RALYL: variants seen among roughly 807,000 people sequenced by gnomAD.
RALYL encodes RNA-binding Raly-like protein.
Under a neutral mutation model 35.1 loss-of-function variants are expected in RALYL, and 29 were observed. That is an observed-to-expected ratio of 0.83 (90% CI 0.61 to 1.13). The LOEUF (loss-of-function observed/expected upper bound fraction) is 1.13. Ranked by LOEUF, RALYL falls within the 50% of genes most tolerant of loss-of-function variation. The probability of loss-of-function intolerance (pLI) is 0.00; values close to 1 mark genes in which losing one functional copy is unlikely to be tolerated. For missense variants in RALYL, 359 were observed against 360.4 expected (o/e 1.00, Z 0.03); for synonymous variants, 120 against 127.6 (o/e 0.94, Z 0.40).
At chr8:84,221,925 A>G (rs10107737) in intron 1 of RALYL, among the ~76,000 whole-genome samples, 59,945 of 151,896 alleles carry the variant, frequency 0.39, 11,972 homozygotes, top group Non-Finnish European at 0.43. Flanking sequence ...TTTTATGCAT[A>G]ATCTTAAGTA....
intron 1 of RALYL, among the ~76,000 whole-genome samples, chr8:84,403,293 G>A (rs191127570): frequency 7.5e-4 from 113 of 151,478 alleles, no homozygotes; most frequent in Middle Eastern, 3.4e-3. Flanking sequence ...ATGGTTTTAC[G>A]TATTACATTT....
At chr8:84,264,395 G>A (rs1206575790) in intron 1 of RALYL, among the ~76,000 whole-genome samples, 3 of 150,048 alleles carry the variant, frequency 2.0e-5, no homozygotes, top group Non-Finnish European at 4.4e-5. Context: ...TATGTTTCGT[G>A]GTTGCATGAA....
chr8:84,301,286 G>A (rs1246690375), intron 1 of RALYL, among the ~76,000 whole-genome samples: 2 of 151,986 alleles, frequency 1.3e-5, no homozygotes, highest in African/African-American at 2.4e-5. Flanking sequence ...TAGGTGACCT[G>A]ACCCTTCTTT....
intron 1 of RALYL, among the ~76,000 whole-genome samples, chr8:84,370,481 G>A (rs747961694): frequency 2.2e-4 from 34 of 151,706 alleles, no homozygotes; most frequent in Admixed American, 2.6e-4. Context: ...CACACATAAA[G>A]TGTTTTGTGC....
chr8:84,394,515 T>A (rs1307569451), intron 1 of RALYL, among the ~76,000 whole-genome samples: 1 of 152,058 alleles, frequency 6.6e-6, no homozygotes, highest in Non-Finnish European at 1.5e-5. Context: ...CTTTGTTTAA[T>A]ATAAGGTGAT....
intron 1 of RALYL, among the ~76,000 whole-genome samples, chr8:84,189,851 C>T (rs1313935954): frequency 5.9e-5 from 9 of 152,102 alleles, no homozygotes; most frequent in Non-Finnish European, 1.5e-5. Context: ...GTGCTTTGAG[C>T]AGAAACAAAA....
At chr8:84,737,764 T>G (rs1430112030) in intron 2 of RALYL, among the ~76,000 whole-genome samples, 1 of 151,958 alleles carries the variant, frequency 6.6e-6, no homozygotes, top group Non-Finnish European at 1.5e-5. Context: ...ATGGGATTTA[T>G]GCTTTTAAAA....
chr8:84,481,322 G>A (rs2054015182), intron 1 of RALYL, among the ~76,000 whole-genome samples: 1 of 152,064 alleles, frequency 6.6e-6, no homozygotes, highest in Admixed American at 6.6e-5. Context: ...GAATTCATGA[G>A]TATTTTGTTG....
intron 2 of RALYL, among the ~76,000 whole-genome samples, chr8:84,588,045 C>G (rs1015093896): frequency 6.6e-6 from 1 of 152,082 alleles, no homozygotes; most frequent in Admixed American, 6.5e-5. Flanking sequence ...TGCTCCCTCC[C>G]CTAACCCAAG....
intron 1 of RALYL, among the ~76,000 whole-genome samples, chr8:84,384,038 T>C (rs1299844329): frequency 6.6e-6 from 1 of 151,792 alleles, no homozygotes; most frequent in East Asian, 1.9e-4. Context: ...TCACACAGTT[T>C]TCGCCTCTTT....
chr8:84,316,499 TTTG>T (rs1586219122), intron 1 of RALYL, among the ~76,000 whole-genome samples: 2 of 152,168 alleles, frequency 1.3e-5, no homozygotes, highest in East Asian at 3.8e-4. Flanking sequence ...GGTACTTTTC[TTTG>T]TTGTTACATG....
chr8:84,646,586 T>G (rs1827546147), intron 2 of RALYL, among the ~76,000 whole-genome samples: 2 of 152,088 alleles, frequency 1.3e-5, no homozygotes, highest in Admixed American at 1.3e-4. Flanking sequence ...CTGATTTTTT[T>G]TCTATGGCTA....
chr8:84,843,811 C>T (rs1019450294), intron 4 of RALYL, among the ~76,000 whole-genome samples: 3 of 152,156 alleles, frequency 2.0e-5, no homozygotes, highest in Non-Finnish European at 2.9e-5. Flanking sequence ...AGAAATAATG[C>T]CGCATAGCTA....
rs541175454 is a variant in RALYL, at chr8:84,658,778, G to T, written c.257-115801G>T. Among the ~76,000 whole-genome samples the T allele has an allele frequency of 3.4e-4, 51 of 152,210 alleles. 1 individual carries two copies. The South Asian group carries it at 0.01, about 31-fold the overall frequency. On this transcript the variant is annotated intron_variant, in intron 2 of 8. Transcript: ENST00000521268. Reference sequence around the variant, plus strand: ...CTGTGGCTAGAATTTGTCATATATGGTGTTGAGAGAAGAGGGGACGTATTG... The same window carrying T: ...CTGTGGCTAGAATTTGTCATATATGTTGTTGAGAGAAGAGGGGACGTATTG...
intron 2 of RALYL, among the ~76,000 whole-genome samples, chr8:84,568,039 G>C (rs981026895): frequency 6.7e-6 from 1 of 150,144 alleles, no homozygotes; most frequent in East Asian, 2.0e-4. Flanking sequence ...CCTTTTCCCA[G>C]TTTTTTTTTA....
chr8:84,645,621 C>A (rs1395429920), intron 2 of RALYL, among the ~76,000 whole-genome samples: 2 of 151,952 alleles, frequency 1.3e-5, no homozygotes, highest in African/African-American at 4.8e-5. Flanking sequence ...AGTTCTTTGT[C>A]TTAGGTCTGC....
At chr8:84,355,441 A>G (rs1047171970) in intron 1 of RALYL, among the ~76,000 whole-genome samples, 2 of 150,470 alleles carry the variant, frequency 1.3e-5, no homozygotes, top group Admixed American at 6.6e-5. Flanking sequence ...GTGAGTTTGT[A>G]TGTAGTTTGT....
At chr8:84,874,001 A>T (rs1272801998) in intron 7 of RALYL, among the ~76,000 whole-genome samples, 1 of 152,176 alleles carries the variant, frequency 6.6e-6, no homozygotes, top group Non-Finnish European at 1.5e-5. Context: ...TGCTCTTTTC[A>T]TATGGCTACA....
At chr8:84,616,355 A>G (rs1183199849) in intron 2 of RALYL, among the ~76,000 whole-genome samples, 3 of 147,514 alleles carry the variant, frequency 2.0e-5, no homozygotes, top group African/African-American at 7.7e-5. Flanking sequence ...AGTGATGATG[A>G]ACATTTTTTC....
Sources: allele counts gnomAD v4.1 joint callset (sites outside exome capture counted in the v4.1 genomes callset), GRCh38; gene constraint gnomAD v4.1.1; transcripts MANE v1.5; gene names NCBI Gene and HGNC (gene_info 2026-07-23, HGNC 2026-07-21).